The following SYT16 variants were observed in gnomAD, a reference collection of about 807,000 sequenced individuals.
SYT16 encodes synaptotagmin-16.
A neutral mutation model predicts 61.4 loss-of-function variants in SYT16; 42 were observed. The observed-to-expected ratio is 0.68, with a 90% confidence interval of 0.53 to 0.89. The LOEUF (loss-of-function observed/expected upper bound fraction) is 0.89, where lower values mean the gene tolerates loss of function less well. Ranked by LOEUF, SYT16 falls within the 40% of genes least tolerant of loss-of-function variation. The probability of loss-of-function intolerance (pLI) is 0.00; values close to 1 mark genes in which losing one functional copy is unlikely to be tolerated. For missense variants in SYT16, 804 were observed against 807.3 expected, an observed-to-expected ratio of 1.00 and a Z score of 0.05; for synonymous variants, 314 against 302.3, an observed-to-expected ratio of 1.04 and a Z score of -0.40.
intron 3 of SYT16, among the ~76,000 whole-genome samples, chr14:62,041,387 G>A (rs2054723762): frequency 6.6e-6 from 1 of 152,150 alleles, no homozygotes; most frequent in African/African-American, 2.4e-5. Flanking sequence ...ACTTTTAACT[G>A]ATTTTAAGGA....
intron 5 of SYT16, among the ~76,000 whole-genome samples, chr14:62,076,904 G>A (rs764926337): frequency 2.6e-5 from 4 of 152,030 alleles, no homozygotes; most frequent in Non-Finnish European, 4.4e-5. Context: ...TAGAAGACTC[G>A]GTATTGAGGG....
intron 2 of SYT16, among the ~76,000 whole-genome samples, chr14:61,982,167 G>T (rs1468479548): frequency 6.6e-6 from 1 of 152,156 alleles, no homozygotes; most frequent in African/African-American, 2.4e-5. Context: ...TTATGACTGA[G>T]AATTCTAGGC....
chr14:61,889,544 GT>G (rs1171185371), intron 1 of SYT16, among the ~76,000 whole-genome samples: 1 of 151,988 alleles, frequency 6.6e-6, no homozygotes, highest in East Asian at 1.9e-4. Context: ...TGCAAAAGCT[GT>G]TTGTTAAAAA....
At position 61,851,890 on chromosome 14, in the gene SYT16, G is replaced by A. The variant is rs143189975; in HGVS notation, c.-325+39080G>A. Among the ~76,000 whole-genome samples the A allele has an allele frequency of 4.4e-3, 674 of 152,218 alleles. 8 individuals are homozygous for A. Among genetic ancestry groups the A allele is most frequent in the South Asian group, 0.025 (119 of 4,822 alleles). Reference sequence around the variant, plus strand: ...CTTCCCTCTGATAATTTATTTTGCTGTGCAGAAGCTCTTTAATTAGATCCC... The same window carrying A: ...CTTCCCTCTGATAATTTATTTTGCTATGCAGAAGCTCTTTAATTAGATCCC... On this transcript the variant is annotated intron_variant, in intron 1 of 7. Coordinates refer to ENST00000683842, the MANE Select transcript of SYT16 (RefSeq NM_001367656.1).
chr14:61,983,407 A>AGT (rs1243856080), intron 2 of SYT16, among the ~76,000 whole-genome samples: 3 of 152,208 alleles, frequency 2.0e-5, no homozygotes, highest in Non-Finnish European at 2.9e-5. Flanking sequence ...TATTATTTGA[A>AGT]GTGTGTGAAT....
rs565120769 is a variant in SYT16, at chr14:61,920,605, C to T, written c.-324-49527C>T. 1.7e-3 allele frequency among the ~76,000 whole-genome samples: 253 copies of T among 152,252 alleles called. 1 individual carries two copies. Among genetic ancestry groups the T allele is most frequent in the Non-Finnish European group, 2.6e-3 (174 of 68,026 alleles). On this transcript the variant is annotated intron_variant, in intron 1 of 7. Coordinates refer to ENST00000683842, the MANE Select transcript of SYT16 (RefSeq NM_001367656.1). ...TCTAGAAACATTTACTGGGGTGTCC[C>T]GTCGGCACTGTAGACATTTGAGACA...
intron 3 of SYT16, among the ~76,000 whole-genome samples, chr14:62,045,355 TA>T (rs2054927251): frequency 6.6e-6 from 1 of 152,262 alleles, no homozygotes; most frequent in East Asian, 1.9e-4. Context: ...CAAAGGTGTA[TA>T]AAAGCATCGG....
chr14:62,081,778 G>A (rs2056716530), intron 6 of SYT16, among the ~76,000 whole-genome samples: 1 of 152,182 alleles, frequency 6.6e-6, no homozygotes, highest in African/African-American at 2.4e-5. Context: ...AAGGAAAGGT[G>A]TCATAATTTA....
intron 3 of SYT16, among the ~76,000 whole-genome samples, chr14:62,046,066 C>T (rs1297588084): frequency 1.3e-5 from 2 of 152,190 alleles, no homozygotes; most frequent in African/African-American, 4.8e-5. Flanking sequence ...ACAGTCCCAC[C>T]AACAGTGTAA....
In SYT16 at chr14:62,105,932, T is replaced by C. The variant is rs1790857051; in HGVS notation, c.*5225T>C. 1 of 152,082 alleles carries C rather than the reference T, an allele frequency of 6.6e-6. No homozygotes were observed. The highest frequency in any genetic ancestry group is 2.4e-5 in the African/African-American group (1 of 41,414). The allele number at this position is 152,082 out of a possible 1,614,324, so 9.4% of individuals were successfully genotyped here. On this transcript the variant is annotated 3_prime_UTR_variant, in exon 8 of 8. Coordinates refer to ENST00000683842, the MANE Select transcript of SYT16 (RefSeq NM_001367656.1). ...TTGGAGAATCACTTAGCTTAGGGCT[T>C]TTAGTAGGGAATAATTAAACATGTA...
At chr14:61,864,609 G>A (rs1349147430) in intron 1 of SYT16, among the ~76,000 whole-genome samples, 41 of 152,264 alleles carry the variant, frequency 2.7e-4, no homozygotes, top group Admixed American at 2.7e-3. Flanking sequence ...TTCGGCCGCC[G>A]CCTCGCTGCG....
intron 7 of SYT16, among the ~76,000 whole-genome samples, chr14:62,097,094 A>G (rs932053889): frequency 5.3e-5 from 8 of 152,146 alleles, no homozygotes; most frequent in Non-Finnish European, 8.8e-5. Flanking sequence ...ACTACGGGGT[A>G]CCATGTTGTT....
chr14:62,007,365 T>C (rs965513509), intron 3 of SYT16, among the ~76,000 whole-genome samples: 1 of 152,202 alleles, frequency 6.6e-6, no homozygotes, highest in African/African-American at 2.4e-5. Flanking sequence ...TTTGCCATCA[T>C]GTTCCTTGGT....
intron 3 of SYT16, among the ~76,000 whole-genome samples, chr14:62,048,545 T>C (rs1299160940): frequency 6.6e-6 from 1 of 152,246 alleles, no homozygotes; most frequent in Non-Finnish European, 1.5e-5. Context: ...CTCTTGCTTC[T>C]CTGGTTCTTT....
chr14:62,047,383 A>G (rs1362272586), intron 3 of SYT16, among the ~76,000 whole-genome samples: 4 of 152,074 alleles, frequency 2.6e-5, no homozygotes, highest in East Asian at 3.9e-4. Context: ...GGCTGAGACA[A>G]TGGGGTTTTC....
At chr14:62,048,654 C>G (rs1476423408) in intron 3 of SYT16, among the ~76,000 whole-genome samples, 1 of 152,172 alleles carries the variant, frequency 6.6e-6, no homozygotes, top group Non-Finnish European at 1.5e-5. Flanking sequence ...TTGAATGTGT[C>G]CCAGAGATTC....
In SYT16 at chr14:62,102,624, C is replaced by T. The variant is rs1043459484; in HGVS notation, c.*1917C>T. ...CACAAAGAAGTGGCTTTTCACATCT[C>T]TTACTCTTTATGCCTTGTGTTTAAA... On this transcript the variant is annotated 3_prime_UTR_variant, in exon 8 of 8. Coordinates refer to ENST00000683842, the MANE Select transcript of SYT16 (RefSeq NM_001367656.1). 22 of 152,312 alleles carry T rather than the reference C, an allele frequency of 1.4e-4. No homozygotes were observed. The highest frequency in any genetic ancestry group is 4.8e-4 in the African/African-American group (20 of 41,572). The allele number at this position is 152,312 out of a possible 1,614,324, so 9.4% of individuals were successfully genotyped here.
chr14:61,888,230 G>A (rs373432089), intron 1 of SYT16, among the ~76,000 whole-genome samples: 1 of 149,698 alleles, frequency 6.7e-6, no homozygotes, highest in African/African-American at 2.5e-5. Context: ...CGATTCTCCT[G>A]CCTCAGCCTC....
intron 1 of SYT16, among the ~76,000 whole-genome samples, chr14:61,908,141 C>G (rs534941483): frequency 1.2e-4 from 18 of 152,338 alleles, no homozygotes; most frequent in African/African-American, 4.1e-4. Context: ...CCTGTCTTTC[C>G]CCTTTTCTCA....
Sources: gnomAD v4.1 joint callset for allele counts (sites outside exome capture counted in the v4.1 genomes callset) on GRCh38, gnomAD v4.1.1 for gene constraint, MANE v1.5 for transcripts, NCBI Gene and HGNC (gene_info 2026-07-23, HGNC 2026-07-21) for gene names.